The following MAP4 variants were observed in gnomAD, a reference collection of about 807,000 sequenced individuals.
The protein encoded by MAP4 is microtubule associated protein 4.
MAP4 carries 76 observed loss-of-function variants against 170.2 expected under a neutral mutation model. The observed-to-expected ratio is 0.45, with a 90% CI of 0.37 to 0.54. The LOEUF (loss-of-function observed/expected upper bound fraction) is 0.54. Among genes scored for constraint, MAP4 ranks in the 20% least tolerant of loss-of-function variants. MAP4 has a pLI of 0.00. For synonymous variants in MAP4, 909 were observed against 994.5 expected (o/e 0.91, Z 1.62); for missense variants, 2,506 against 2,748.0 (o/e 0.91, Z 1.97).
intron 1 of MAP4, among the ~76,000 whole-genome samples, chr3:48,065,359 A>T (rs1019638811): frequency 3.3e-5 from 5 of 152,228 alleles, no homozygotes; most frequent in Admixed American, 6.5e-5. Flanking sequence ...GTCCCACACT[A>T]AACCTTCAGA....
At chr3:47,965,911 C>T (rs914394595) in intron 3 of MAP4, among the ~76,000 whole-genome samples, 2 of 151,932 alleles carry the variant, frequency 1.3e-5, no homozygotes, top group East Asian at 1.9e-4. Context: ...TTTCTTTTGT[C>T]GTCTGTGTTT....
At chr3:47,913,698 A>T (rs1030343387) in intron 8 of MAP4, among the ~76,000 whole-genome samples, 3 of 149,482 alleles carry the variant, frequency 2.0e-5, no homozygotes, top group Non-Finnish European at 4.5e-5. Flanking sequence ...AACAACATTT[A>T]AAAAAAAAAT....
chr3:47,887,002 CCA>C (rs1421227747), intron 10 of MAP4, among the ~76,000 whole-genome samples: 1 of 152,250 alleles, frequency 6.6e-6, no homozygotes. Flanking sequence ...TAGGCAGTCA[CCA>C]CAGTTTCAGA....
In MAP4 at chr3:47,910,246, A is replaced by G. The variant is rs756618121; in HGVS notation, c.4175T>C (p.Val1392Ala). 2 of 1,608,800 alleles carry G rather than the reference A, an allele frequency of 1.2e-6. No individual in the cohort carries two copies. The highest frequency in any genetic ancestry group is 1.7e-6 in the Non-Finnish European group (2 of 1,179,736). The part of the protein sequence containing the change: ...ENKIDATKIH[V>A]PMETTGDQGI... The stretch of plus-strand genomic sequence containing the variant: ...CTGGTCCCCTGTGGTTTCCATGGGA[A>G]CATGTATTTTTGTTGCATCTATCTT... The change falls in exon 9 of 21, where the codon GTT becomes GCT. Residue 1392 changes from valine (V) to alanine (A), a missense_variant. Physicochemically the swap from Val to Ala is moderately conservative, Grantham distance 64 (BLOSUM62 0). Around this residue, in one of 3 missense-constraint regions of MAP4, gnomAD observed 2,008 missense variants for 2,206.0 expected, o/e 0.91. Coordinates refer to ENST00000683076, the MANE Select transcript of MAP4 (RefSeq NM_001385682.1).
intron 17 of MAP4, 39 bp from the exon 18 acceptor site, chr3:47,857,551 G>T: frequency 6.9e-7 from 1 of 1,454,562 alleles, no homozygotes; most frequent in Non-Finnish European, 9.7e-7. Context: ...CAGAGAGAAG[G>T]TATACTGTCA....
At chr3:47,884,702 T>C (rs1379524190) in intron 10 of MAP4, among the ~76,000 whole-genome samples, 1 of 152,072 alleles carries the variant, frequency 6.6e-6, no homozygotes, top group Non-Finnish European at 1.5e-5. Context: ...TCTGGACTGC[T>C]CTCTGGCTGC....
At chr3:48,027,640 C>T (rs984859432) in intron 1 of MAP4, among the ~76,000 whole-genome samples, 13 of 152,018 alleles carry the variant, frequency 8.6e-5, no homozygotes, top group Non-Finnish European at 1.3e-4. Context: ...AGCCCAGGGG[C>T]TCGAGACCAG....
intron 1 of MAP4, among the ~76,000 whole-genome samples, chr3:48,063,308 C>G (rs1200807237): frequency 1.3e-5 from 2 of 151,746 alleles, no homozygotes; most frequent in African/African-American, 4.8e-5. Flanking sequence ...GAGCTGGAAT[C>G]ACCTATAGTC....
intron 3 of MAP4, among the ~76,000 whole-genome samples, chr3:47,931,348 T>TTTTTAAATAG (rs2100049697): frequency 6.6e-6 from 1 of 152,144 alleles, no homozygotes; most frequent in Non-Finnish European, 1.5e-5. Context: ...ACTACTGCCT[T>TTTTTAAATAG]GGTGACAGAA....
chr3:48,024,316 A>T (rs1030060901), intron 1 of MAP4, among the ~76,000 whole-genome samples: 6 of 152,284 alleles, frequency 3.9e-5, no homozygotes, highest in Non-Finnish European at 5.9e-5. Flanking sequence ...TCTTTAAAAA[A>T]AATAATAAAT....
intron 1 of MAP4, among the ~76,000 whole-genome samples, chr3:48,056,551 G>C (rs1359827158): frequency 2.1e-5 from 2 of 93,274 alleles, no homozygotes; most frequent in African/African-American, 6.6e-5. Context: ...GCCTCTGCCC[G>C]GCCGCCCCTA....
intron 2 of MAP4, chr3:47,987,435 T>C (rs1455872639): frequency 2.0e-6 from 3 of 1,524,832 alleles, no homozygotes; most frequent in Non-Finnish European, 1.8e-6. Flanking sequence ...GTGGGAGGTC[T>C]AGAAGGGAAA....
In MAP4 at chr3:47,876,132, C is replaced by CT. The variant is rs756229459; in HGVS notation, c.5542-233dup. ...TGGGGAATAGTTTCTTTTTCTTTTT[C>CT]TTTCTTTTTTTTTTTTTTTGAGATG... On this transcript the variant is annotated intron_variant, in intron 11 of 20. Transcript: ENST00000683076. Among the ~76,000 whole-genome samples, 548 of 140,574 alleles carry CT rather than the reference C, an allele frequency of 3.9e-3. 11 individuals are homozygous for CT. The highest frequency in any genetic ancestry group is 0.015 in the Middle Eastern group (4 of 272). The allele number at this position is 140,574 out of a possible 152,430, so 92.2% of individuals were successfully genotyped here. A position where few individuals can be genotyped will look rare whatever the true frequency, so the allele number is the denominator to read the frequency against.
At chr3:48,044,679 T>A (rs1052492376) in intron 1 of MAP4, among the ~76,000 whole-genome samples, 2 of 149,290 alleles carry the variant, frequency 1.3e-5, no homozygotes, top group African/African-American at 4.9e-5. Context: ...AGGAGAATTG[T>A]TTGAACCTAG....
At chr3:47,904,297 T>C (rs1553776859) in intron 9 of MAP4, among the ~76,000 whole-genome samples, 1 of 152,128 alleles carries the variant, frequency 6.6e-6, no homozygotes, top group Non-Finnish European at 1.5e-5. Context: ...ATCAACTCAA[T>C]AGGTGGTAGG....
At chr3:47,887,348 G>A (rs898314414) in intron 10 of MAP4, among the ~76,000 whole-genome samples, 1 of 152,220 alleles carries the variant, frequency 6.6e-6, no homozygotes, top group Non-Finnish European at 1.5e-5. Flanking sequence ...CTTAGCACCC[G>A]GGCCAGTGGC....
At position 48,005,379 on chromosome 3, in the gene MAP4, T is replaced by A. The variant is rs937778894; in HGVS notation, c.-19-6500A>T. Among the ~76,000 whole-genome samples, 67 of 151,720 alleles carry A rather than the reference T, an allele frequency of 4.4e-4. 4 individuals are homozygous for A. The highest frequency in any genetic ancestry group is 2.9e-5 in the Non-Finnish European group (2 of 67,928). On this transcript the variant is annotated intron_variant, in intron 1 of 20. Coordinates refer to ENST00000683076, the MANE Select transcript of MAP4 (RefSeq NM_001385682.1). Reference sequence around the variant, plus strand: ...CCTCTAAGAAAAAAAAAAGAACTGTTCTCTAATTTATATAAACAGCAATCT... The same window carrying A: ...CCTCTAAGAAAAAAAAAAGAACTGTACTCTAATTTATATAAACAGCAATCT...
At chr3:47,892,508 C>A (rs573657909) in intron 10 of MAP4, 1 of 1,495,834 alleles carries the variant, frequency 6.7e-7, no homozygotes, top group Admixed American at 2.1e-5. Flanking sequence ...TCCTCCACTG[C>A]TCTCCCTGCT....
At chr3:47,885,769 CCCAGGCTGGAGTGCAGTGGCGCCAT>C (rs2097489928) in intron 10 of MAP4, among the ~76,000 whole-genome samples, 1 of 150,808 alleles carries the variant, frequency 6.6e-6, no homozygotes. Context: ...CGCTCTGTCA[CCCAGGCTGGAGTGCAGTGGCGCCAT>C]CTCGGCTCAC....
Sources: allele counts gnomAD v4.1 joint callset (sites outside exome capture counted in the v4.1 genomes callset), GRCh38; gene constraint gnomAD v4.1.1; regional missense constraint gnomAD v4.1.1; transcripts MANE v1.5; gene names NCBI Gene and HGNC (gene_info 2026-07-23, HGNC 2026-07-21).